ARHGAP22: variants seen among roughly 807,000 people sequenced by gnomAD.
ARHGAP22 encodes the protein rho GTPase-activating protein 22.
ARHGAP22 carries 48 observed loss-of-function variants against 59.1 expected under a neutral mutation model. The observed-to-expected ratio is 0.81, with a 90% CI of 0.64 to 1.03. The LOEUF (loss-of-function observed/expected upper bound fraction) is 1.03, where lower values mean the gene tolerates loss of function less well. ARHGAP22 is among the 50% of genes least tolerant of loss of function. ARHGAP22 has a pLI of 0.00. For synonymous variants in ARHGAP22, 445 were observed against 416.4 expected (o/e 1.07, Z -0.84); for missense variants, 1,015 against 958.7 (o/e 1.06, Z -0.78).
chr10:48,564,326 A>G (rs2057908806), intron 2 of ARHGAP22, among the ~76,000 whole-genome samples: 1 of 152,220 alleles, frequency 6.6e-6, no homozygotes, highest in Non-Finnish European at 1.5e-5. Context: ...AATGAGGTAC[A>G]TACAAAAGGT....
rs75994808 is a variant in ARHGAP22 at position 48,537,988 on chromosome 10, T to C, written c.322+17475A>G. Among the ~76,000 whole-genome samples the C allele has an allele frequency of 4.9e-3, 751 of 152,294 alleles. 25 individuals are homozygous for C. In the East Asian group the frequency reaches 0.1, roughly 21 times the overall value. Reference sequence around the variant, plus strand: ...TGCGGAGGGCCAGTGGCCCTGGCAGTGTCACTCCCAATGCCACAATGGTAT... The same window carrying C: ...TGCGGAGGGCCAGTGGCCCTGGCAGCGTCACTCCCAATGCCACAATGGTAT... On this transcript the variant is annotated intron_variant, in intron 3 of 9. Transcript: ENST00000249601.
intron 1 of ARHGAP22, among the ~76,000 whole-genome samples, chr10:48,583,726 C>T (rs909172136): frequency 6.6e-6 from 1 of 152,158 alleles, no homozygotes; most frequent in East Asian, 1.9e-4. Flanking sequence ...CTGCTTAGCC[C>T]CTCTACTCTG....
chr10:48,459,174 A>G (rs2046881975), intron 5 of ARHGAP22, among the ~76,000 whole-genome samples: 1 of 40,850 alleles, frequency 2.4e-5, no homozygotes, highest in African/African-American at 4.2e-5. Flanking sequence ...GGCCTGGGTA[A>G]GCCCCCATGA....
rs778223212 is a variant in ARHGAP22, at chr10:48,450,494, G to A, written c.1635C>T (p.Thr545=). ...SDSSARSSLH[T]DWALEPSPLP... ...GCGGGGAGGGCTCCAGGGCCCAGTC[G>A]GTGTGCAGGGAACTGCGGGCAGACG... The change falls in exon 9 of 10, where the codon ACC becomes ACT. Residue 545 remains threonine (T), a synonymous_variant. Coordinates refer to ENST00000249601, the MANE Select transcript of ARHGAP22 (RefSeq NM_021226.4). The A allele has an allele frequency of 3.9e-6, 6 of 1,532,014 alleles. No individual in the cohort carries two copies. The East Asian group carries it at 7.3e-5, about 19-fold the overall frequency. 94.9% of individuals were successfully genotyped at this position (1,532,014 alleles called of 1,614,324 possible).
At position 48,626,891 on chromosome 10, in the gene ARHGAP22, C is replaced by T. The variant is rs76415249; in HGVS notation, c.52+25343G>A. On this transcript the variant is annotated intron_variant, in intron 1 of 9. Transcript: ENST00000435790. ...GGAACTGGCTGGGCATGGGGGTGAACCAGCCATGTGATTAGAGGGTTACAA... is the reference window on the plus strand; with the variant it reads ...GGAACTGGCTGGGCATGGGGGTGAATCAGCCATGTGATTAGAGGGTTACAA... 8.4e-3 allele frequency among the ~76,000 whole-genome samples: 1,272 copies of T among 152,192 alleles called. 20 individuals are homozygous for T. The highest frequency in any genetic ancestry group is 0.029 in the African/African-American group (1,212 of 41,512).
At chr10:48,595,338 T>C (rs1288610416) in intron 1 of ARHGAP22, among the ~76,000 whole-genome samples, 1 of 152,140 alleles carries the variant, frequency 6.6e-6, no homozygotes, top group Non-Finnish European at 1.5e-5. Flanking sequence ...GGAAGGGCAC[T>C]CTGGAGGGGC....
intron 2 of ARHGAP22, among the ~76,000 whole-genome samples, chr10:48,559,455 G>C (rs2057542017): frequency 6.6e-6 from 1 of 152,208 alleles, no homozygotes; most frequent in South Asian, 2.1e-4. Context: ...GTAGCTAATG[G>C]ACAAAGGATG....
chr10:48,580,850 T>G (rs1341923019), intron 2 of ARHGAP22, among the ~76,000 whole-genome samples: 1 of 137,372 alleles, frequency 7.3e-6, no homozygotes, highest in Non-Finnish European at 1.7e-5. Flanking sequence ...TCCAGTTATG[T>G]GTATGTTATA....
At chr10:48,509,216 C>G (rs1449057828) in intron 3 of ARHGAP22, among the ~76,000 whole-genome samples, 2 of 152,204 alleles carry the variant, frequency 1.3e-5, no homozygotes, top group African/African-American at 4.8e-5. Flanking sequence ...ATCCTGCACT[C>G]AGCTGGCGAG....
At chr10:48,548,371 C>G (rs2135225087) in intron 3 of ARHGAP22, among the ~76,000 whole-genome samples, 1 of 152,306 alleles carries the variant, frequency 6.6e-6, no homozygotes. Flanking sequence ...TACGGTTACT[C>G]ACTAGAAAGA....
chr10:48,537,421 G>T (rs1189378233), intron 3 of ARHGAP22, among the ~76,000 whole-genome samples: 1 of 152,228 alleles, frequency 6.6e-6, no homozygotes, highest in East Asian at 1.9e-4. Context: ...CTATGGGTGT[G>T]TTGCTCCTGT....
chr10:48,540,478 G>T (rs574716822), intron 3 of ARHGAP22, among the ~76,000 whole-genome samples: 1 of 152,154 alleles, frequency 6.6e-6, no homozygotes, highest in Non-Finnish European at 1.5e-5. Flanking sequence ...TGATCCTCCC[G>T]CCTTGGCCTC....
At chr10:48,603,158 A>G (rs1396300397) in intron 1 of ARHGAP22, among the ~76,000 whole-genome samples, 7 of 152,240 alleles carry the variant, frequency 4.6e-5, no homozygotes, top group Admixed American at 4.6e-4. Flanking sequence ...AAACAATGCC[A>G]AATGTTCTCT....
chr10:48,643,350 A>T lies in ARHGAP22; in HGVS notation c.52+8884T>A, dbSNP rs1157069377. ...TCACAATAGCAAAGACTTGGAACCA[A>T]CCCAAATGCTCATCAATGATAGACT... On this transcript the variant is annotated intron_variant, in intron 1 of 9. Coordinates refer to the ARHGAP22 transcript ENST00000435790. Among the ~76,000 whole-genome samples the T allele has an allele frequency of 8.5e-5, 13 of 152,206 alleles. No homozygotes were observed. The East Asian group carries it at 2.3e-3, about 27-fold the overall frequency.
chr10:48,516,757 A>G (rs7911247), intron 3 of ARHGAP22, among the ~76,000 whole-genome samples: 85,320 of 152,042 alleles, frequency 0.56, 25,661 homozygotes, highest in Middle Eastern at 0.75. Context: ...TATGGAGCCA[A>G]TAGTCCTCCG....
At chr10:48,462,786 G>T (rs2047275691) in intron 4 of ARHGAP22, among the ~76,000 whole-genome samples, 1 of 152,268 alleles carries the variant, frequency 6.6e-6, no homozygotes, top group African/African-American at 2.4e-5. Context: ...GAGCACAGGA[G>T]GTGATCCTGC....
At chr10:48,635,063 G>A (rs2061761876) in intron 1 of ARHGAP22, among the ~76,000 whole-genome samples, 1 of 152,066 alleles carries the variant, frequency 6.6e-6, no homozygotes, top group Non-Finnish European at 1.5e-5. Context: ...CTTTGTCATG[G>A]CAGCCCGAGC....
chr10:48,554,523 T>C (rs953525756), intron 3 of ARHGAP22, among the ~76,000 whole-genome samples: 4 of 152,196 alleles, frequency 2.6e-5, no homozygotes, highest in Non-Finnish European at 5.9e-5. Flanking sequence ...GCACTCACTG[T>C]TCCCATCACG....
intron 4 of ARHGAP22, among the ~76,000 whole-genome samples, chr10:48,477,078 C>T (rs2134035885): frequency 6.6e-6 from 1 of 152,292 alleles, no homozygotes; most frequent in East Asian, 1.9e-4. Flanking sequence ...TGTAACTACC[C>T]AAGCCAAGCT....
Sources: allele counts gnomAD v4.1 joint callset (sites outside exome capture counted in the v4.1 genomes callset), GRCh38; gene constraint gnomAD v4.1.1; transcripts MANE v1.5; gene names NCBI Gene and HGNC (gene_info 2026-07-23, HGNC 2026-07-21).